The following LRP1B variants were observed in gnomAD, a reference collection of about 807,000 sequenced individuals.
LRP1B encodes low-density lipoprotein receptor-related protein 1B.
In LRP1B, 217 loss-of-function variants were observed where a neutral mutation model predicts 556.6. The ratio of observed to expected loss-of-function variants is 0.39; its 90% CI spans 0.35 to 0.44. The LOEUF (loss-of-function observed/expected upper bound fraction) is 0.44. Ranked by LOEUF, LRP1B falls within the 20% of genes least tolerant of loss-of-function variation. The pLI is 1.00. For synonymous variants in LRP1B, 2,047 were observed against 1,865.8 expected, an observed-to-expected ratio of 1.10 and a Z score of -2.50; for missense variants, 5,053 against 5,620.8, an observed-to-expected ratio of 0.90 and a Z score of 3.23.
intron 3 of LRP1B, among the ~76,000 whole-genome samples, chr2:141,400,046 G>A (rs1379602705): frequency 1.3e-5 from 2 of 151,998 alleles, no homozygotes; most frequent in African/African-American, 4.8e-5. Context: ...AGCGCAGTGG[G>A]GTGATCACGT....
intron 2 of LRP1B, among the ~76,000 whole-genome samples, chr2:141,551,287 T>TTTTTTTTAA (rs932935739): frequency 6.6e-6 from 1 of 151,706 alleles, no homozygotes; most frequent in Non-Finnish European, 1.5e-5. Context: ...GTTTGTTTGC[T>TTTTTTTTAA]TTTTTTTAAT....
At chr2:141,399,811 G>T (rs1054872122) in intron 3 of LRP1B, among the ~76,000 whole-genome samples, 1 of 152,114 alleles carries the variant, frequency 6.6e-6, no homozygotes, top group Non-Finnish European at 1.5e-5. Flanking sequence ...TCAAATTCCA[G>T]AATCTACAAT....
At chr2:140,301,682 A>G (rs1683829454) in intron 83 of LRP1B, among the ~76,000 whole-genome samples, 1 of 151,968 alleles carries the variant, frequency 6.6e-6, no homozygotes. Context: ...TATTCCTCAT[A>G]TAAACTGATT....
chr2:141,201,042 C>T (rs191668178), intron 6 of LRP1B, among the ~76,000 whole-genome samples: 5 of 152,096 alleles, frequency 3.3e-5, no homozygotes, highest in Admixed American at 2.6e-4. Context: ...AGTCACTTTA[C>T]CTGAGAAATA....
At chr2:141,154,343 T>G (rs1490293802) in intron 7 of LRP1B, among the ~76,000 whole-genome samples, 2 of 151,754 alleles carry the variant, frequency 1.3e-5, no homozygotes, top group Non-Finnish European at 3.0e-5. Flanking sequence ...AATATTACTT[T>G]TGATTAAATC....
intron 21 of LRP1B, 121 bp downstream of exon 21, chr2:140,922,844 G>T (rs936082035): frequency 1.3e-6 from 1 of 748,002 alleles, no homozygotes; most frequent in Non-Finnish European, 2.2e-6. Flanking sequence ...TATTATACAT[G>T]AGCACATCTG....
At chr2:141,137,590 T>C (rs1427770134) in intron 7 of LRP1B, among the ~76,000 whole-genome samples, 2 of 151,998 alleles carry the variant, frequency 1.3e-5, no homozygotes, top group Non-Finnish European at 1.5e-5. Context: ...GTACTTATTA[T>C]ATTTTGATAA....
chr2:141,050,986 C>T (rs2105449006), intron 10 of LRP1B, among the ~76,000 whole-genome samples: 1 of 152,226 alleles, frequency 6.6e-6, no homozygotes, highest in African/African-American at 2.4e-5. Flanking sequence ...ACAGACACTT[C>T]TCAAAAGAAG....
intron 1 of LRP1B, among the ~76,000 whole-genome samples, chr2:141,869,252 A>G (rs1015270733): frequency 2.0e-5 from 3 of 152,066 alleles, no homozygotes; most frequent in Non-Finnish European, 4.4e-5. Flanking sequence ...GGTTACTGCA[A>G]TGAAAAAATA....
intron 41 of LRP1B, among the ~76,000 whole-genome samples, chr2:140,604,999 TC>T (rs1334619015): frequency 6.6e-6 from 1 of 152,118 alleles, no homozygotes; most frequent in Non-Finnish European, 1.5e-5. Context: ...CTTCCTTTTC[TC>T]TATAAATTAC....
chr2:140,845,196 T>C (rs17517650), intron 29 of LRP1B, among the ~76,000 whole-genome samples: 3,658 of 152,290 alleles, frequency 0.024, 55 homozygotes, highest in Middle Eastern at 0.048. Context: ...GTCTCTACTG[T>C]GCTACTAGAA....
At chr2:140,692,963 A>G (rs988206755) in intron 41 of LRP1B, among the ~76,000 whole-genome samples, 3 of 152,148 alleles carry the variant, frequency 2.0e-5, no homozygotes, top group Non-Finnish European at 4.4e-5. Context: ...TGAGTTGGAG[A>G]TAACATTTTG....
intron 66 of LRP1B, among the ~76,000 whole-genome samples, chr2:140,440,599 C>T (rs1035781206): frequency 6.6e-6 from 1 of 152,142 alleles, no homozygotes; most frequent in Non-Finnish European, 1.5e-5. Flanking sequence ...AAAGTGGCCA[C>T]TTATCCCTTT....
intron 60 of LRP1B, among the ~76,000 whole-genome samples, chr2:140,461,316 C>A (rs1195973865): frequency 6.6e-6 from 1 of 151,936 alleles, no homozygotes; most frequent in Non-Finnish European, 1.5e-5. Context: ...CCGTTCTCAG[C>A]TTTTTTTGAG....
At chr2:142,125,726 T>G (rs1041021232) in intron 1 of LRP1B, among the ~76,000 whole-genome samples, 1 of 151,812 alleles carries the variant, frequency 6.6e-6, no homozygotes, top group African/African-American at 2.4e-5. Flanking sequence ...CAGGTTAAAT[T>G]TGGGAATAGC....
intron 42 of LRP1B, among the ~76,000 whole-genome samples, chr2:140,599,924 A>G (rs1381789808): frequency 6.6e-6 from 1 of 152,150 alleles, no homozygotes; most frequent in Admixed American, 6.6e-5. Flanking sequence ...TCATTTTAAA[A>G]TATCTGTTAA....
At chr2:140,663,842 G>C (rs915758688) in intron 41 of LRP1B, among the ~76,000 whole-genome samples, 1 of 152,140 alleles carries the variant, frequency 6.6e-6, no homozygotes, top group Non-Finnish European at 1.5e-5. Flanking sequence ...TCCTCACTAA[G>C]TTTAATCATT....
At chr2:140,912,146 C>A (rs1458319855) in intron 21 of LRP1B, among the ~76,000 whole-genome samples, 1 of 151,504 alleles carries the variant, frequency 6.6e-6, no homozygotes. Context: ...TTAGTTCTTA[C>A]CAAAATGTAG....
At chr2:140,296,443 A>G (rs1683607582) in intron 84 of LRP1B, among the ~76,000 whole-genome samples, 1 of 152,200 alleles carries the variant, frequency 6.6e-6, no homozygotes, top group Non-Finnish European at 1.5e-5. Context: ...AGTTTAAATT[A>G]GAGTGATAAC....
Sources: allele counts gnomAD v4.1 joint callset (sites outside exome capture counted in the v4.1 genomes callset), GRCh38; gene constraint gnomAD v4.1.1; transcripts MANE v1.5; gene names NCBI Gene and HGNC (gene_info 2026-07-23, HGNC 2026-07-21).